Variants in DYM observed in about 807,000 individuals in gnomAD.
DYM encodes the protein dymeclin.
In DYM, 78 loss-of-function variants were observed where a neutral mutation model predicts 93.1. That is an observed-to-expected ratio of 0.84 (90% CI 0.70 to 1.01). The LOEUF (loss-of-function observed/expected upper bound fraction) is 1.01, where lower values mean the gene tolerates loss of function less well. Among genes scored for constraint, DYM ranks in the 50% least tolerant of loss-of-function variants. The pLI is 0.00. For synonymous variants in DYM, 321 were observed against 319.7 expected, an observed-to-expected ratio of 1.00 and a Z score of -0.04; for missense variants, 789 against 845.0, an observed-to-expected ratio of 0.93 and a Z score of 0.82.
chr18:49,290,415 A>AT (rs961545686), intron 8 of DYM, among the ~76,000 whole-genome samples: 6 of 152,034 alleles, frequency 3.9e-5, no homozygotes, highest in Non-Finnish European at 5.9e-5. Flanking sequence ...GCAAACAGAG[A>AT]TTATCTCTAG....
chr18:49,441,307 AATTAAT>A lies in DYM; in HGVS notation c.-53-10866_-53-10861del, dbSNP rs1432380165. The stretch of plus-strand genomic sequence containing the variant: ...AATTATATATAATATAATTATATAT[AATTAAT>A]ATATAATTATATATAATATAATTAT... On this transcript the variant is annotated intron_variant, in intron 1 of 17. Transcript: ENST00000675505. 3.4e-4 allele frequency among the ~76,000 whole-genome samples: 11 copies of A among 32,578 alleles called. 1 individual carries two copies. Among genetic ancestry groups the A allele is most frequent in the South Asian group, 8.2e-4 (1 of 1,224 alleles). 21.4% of individuals were successfully genotyped at this position (32,578 alleles called of 152,430 possible). A position where few individuals can be genotyped will look rare whatever the true frequency, so the allele number is the denominator to read the frequency against.
In DYM at chr18:49,380,748, G is replaced by GAAGA. The variant is rs1338840932; in HGVS notation, c.194-994_194-991dup. On this transcript the variant is annotated intron_variant, in intron 3 of 17. Coordinates refer to ENST00000675505, the MANE Select transcript of DYM (RefSeq NM_001353214.3). The stretch of plus-strand genomic sequence containing the variant: ...TTGTAGAACCTTCCATTTGACTGAT[G>GAAGA]AAGAGACAGGCTCAGAAAGGCTAAG... Among the ~76,000 whole-genome samples the GAAGA allele has an allele frequency of 4.6e-5, 7 of 152,350 alleles. No homozygotes were observed. The South Asian group carries it at 1.2e-3, about 27-fold the overall frequency.
At chr18:49,072,097 T>C (rs988427713) in intron 17 of DYM, among the ~76,000 whole-genome samples, 2 of 152,248 alleles carry the variant, frequency 1.3e-5, no homozygotes, top group African/African-American at 4.8e-5. Context: ...ATATTTTAGA[T>C]AATTTAGCCT....
Position 49,234,709 on chromosome 18 carries a change from A to G in DYM, c.1460+22301T>C, listed in dbSNP as rs1031865748. Among the ~76,000 whole-genome samples, 93 of 152,202 alleles carry G rather than the reference A, an allele frequency of 6.1e-4. 1 individual carries two copies. Among genetic ancestry groups the G allele is most frequent in the African/African-American group, 2.2e-3 (92 of 41,450 alleles). ...ATGTTACATTACAGGTCAAAAGGTA[A>G]TTTGCAGACATAATTAAGATTATTG... is the stretch of plus-strand genomic sequence containing the variant. On this transcript the variant is annotated intron_variant, in intron 13 of 17. Transcript: ENST00000675505.
chr18:49,429,511 ATAT>A (rs1361605788), intron 2 of DYM, among the ~76,000 whole-genome samples: 1 of 152,174 alleles, frequency 6.6e-6, no homozygotes, highest in African/African-American at 2.4e-5. Flanking sequence ...TAAATATGAG[ATAT>A]TATTTTTCAC....
Position 49,460,433 on chromosome 18 carries a change from A to ACGGACCCG in DYM, c.-97_-90dup, listed in dbSNP as rs1021252748. 1 of 152,244 alleles carries ACGGACCCG rather than the reference A, an allele frequency of 6.6e-6. No individual in the cohort carries two copies. The highest frequency in any genetic ancestry group is 6.5e-5 in the Admixed American group (1 of 15,282). 9.4% of individuals were successfully genotyped at this position (152,244 alleles called of 1,614,324 possible). A position where few individuals can be genotyped will look rare whatever the true frequency, so the allele number is the denominator to read the frequency against. On this transcript the variant is annotated 5_prime_UTR_variant, in exon 1 of 18. Transcript: ENST00000675505. Reference sequence around the variant, plus strand: ...CGGCTGGGGGATCTGCTCCAGCTCCACGGACCCGCGGACGGATGGGAGGGT... The same window carrying ACGGACCCG: ...CGGCTGGGGGATCTGCTCCAGCTCCACGGACCCGCGGACCCGCGGACGGATGGGAGGGT...
chr18:49,436,614 T>C (rs989665591), intron 1 of DYM, among the ~76,000 whole-genome samples: 2 of 152,182 alleles, frequency 1.3e-5, no homozygotes, highest in Non-Finnish European at 2.9e-5. Context: ...CAGTGTGCTA[T>C]TTATCAGGGG....
At chr18:49,301,953 C>A (rs1285603543) in intron 8 of DYM, among the ~76,000 whole-genome samples, 1 of 152,190 alleles carries the variant, frequency 6.6e-6, no homozygotes, top group Non-Finnish European at 1.5e-5. Context: ...AAATAAGACA[C>A]ATGGTGGTTC....
chr18:49,274,484 C>T (rs909819835), intron 10 of DYM, among the ~76,000 whole-genome samples: 3 of 152,226 alleles, frequency 2.0e-5, no homozygotes, highest in African/African-American at 7.2e-5. Context: ...CAGACATATA[C>T]TCATTTCTCT....
chr18:49,252,215 T>TAAAAAAAAAAAA (rs1568106366), intron 13 of DYM, among the ~76,000 whole-genome samples: 2 of 460 alleles, frequency 4.3e-3, no homozygotes, highest in Non-Finnish European at 8.9e-3. Context: ...GAGACTTGCC[T>TAAAAAAAAAAAA]CAAAAAAAAA....
At chr18:49,352,143 AT>A in intron 6 of DYM, among the ~76,000 whole-genome samples, 1 of 152,248 alleles carries the variant, frequency 6.6e-6, no homozygotes, top group Non-Finnish European at 1.5e-5. Context: ...ATACGATACA[AT>A]TTGTATGAAA....
intron 13 of DYM, among the ~76,000 whole-genome samples, chr18:49,215,291 C>T (rs907801364): frequency 3.9e-5 from 6 of 152,156 alleles, no homozygotes; most frequent in African/African-American, 7.2e-5. Flanking sequence ...TCAGATTCCT[C>T]GTCAGTCTTA....
chr18:49,209,385 G>T (rs1021909433), intron 14 of DYM, among the ~76,000 whole-genome samples, 166 bp downstream of exon 14: 53 of 152,298 alleles, frequency 3.5e-4, no homozygotes, highest in African/African-American at 1.2e-3. Flanking sequence ...GAAGACATTT[G>T]TAAGGAAACA....
chr18:49,049,912 G>A (rs2072168521), intron 17 of DYM: 1 of 154,310 alleles, frequency 6.5e-6, no homozygotes, highest in African/African-American at 2.4e-5. Context: ...AAGGCACTGA[G>A]CTCATCTTCA....
intron 2 of DYM, among the ~76,000 whole-genome samples, chr18:49,414,725 A>T (rs2072715541): frequency 6.6e-6 from 1 of 152,186 alleles, no homozygotes. Flanking sequence ...GCTTTCCCAG[A>T]GACTCTCTGG....
intron 17 of DYM, among the ~76,000 whole-genome samples, chr18:49,081,481 G>C (rs2078008703): frequency 6.8e-6 from 1 of 147,608 alleles, no homozygotes. Flanking sequence ...CTCGGCATCA[G>C]AGGGAGACCG....
At chr18:49,350,588 T>G (rs2065021835) in intron 6 of DYM, among the ~76,000 whole-genome samples, 1 of 151,790 alleles carries the variant, frequency 6.6e-6, no homozygotes. Context: ...CGCCTGTAAT[T>G]CCAGCTACCT....
chr18:49,101,936 T>G (rs1359901730), intron 16 of DYM, among the ~76,000 whole-genome samples: 1 of 152,200 alleles, frequency 6.6e-6, no homozygotes, highest in Non-Finnish European at 1.5e-5. Flanking sequence ...AAAGAAGGCT[T>G]ACATTTGAGT....
Position 49,430,428 on chromosome 18 carries a change from C to A in DYM, c.-34G>T, listed in dbSNP as rs1306218979. The stretch of plus-strand genomic sequence containing the variant: ...TTAAGCAGATAATTTGTCCTTAAAC[C>A]TGCATTTCCAAAAGACAACCTATAA... On this transcript the variant is annotated 5_prime_UTR_variant, in exon 2 of 18. The change creates a new upstream start codon in the 5' untranslated region. Transcript: ENST00000675505. The A allele has an allele frequency of 1.9e-6, 3 of 1,611,200 alleles. No homozygotes were observed. In the African/African-American group the frequency reaches 4.0e-5, roughly 22 times the overall value.
Sources: gnomAD v4.1 joint callset for allele counts (sites outside exome capture counted in the v4.1 genomes callset) on GRCh38, gnomAD v4.1.1 for gene constraint, MANE v1.5 for transcripts, NCBI Gene and HGNC (gene_info 2026-07-23, HGNC 2026-07-21) for gene names.